The following KCNAB1 variants were observed in gnomAD, a reference collection of about 807,000 sequenced individuals.
The protein encoded by KCNAB1 is voltage-gated potassium channel subunit beta-1.
In KCNAB1, 35 loss-of-function variants were observed where a neutral mutation model predicts 64.6. The ratio of observed to expected loss-of-function variants is 0.54; its 90% CI spans 0.41 to 0.72. KCNAB1 has a LOEUF of 0.72. KCNAB1 is among the 30% of genes least tolerant of loss of function. The pLI, the probability that KCNAB1 is intolerant of heterozygous loss-of-function variation, is 0.00. For missense variants in KCNAB1, 401 were observed against 512.9 expected, an observed-to-expected ratio of 0.78 and a Z score of 2.11; for synonymous variants, 177 against 183.8, an observed-to-expected ratio of 0.96 and a Z score of 0.30.
Position 156,422,652 on chromosome 3 carries a change from C to T in KCNAB1, c.319+993C>T, listed in dbSNP as rs1216063804. 2.0e-5 allele frequency among the ~76,000 whole-genome samples: 3 copies of T among 152,084 alleles called. No individual in the cohort carries two copies. The East Asian group carries it at 5.8e-4, about 29-fold the overall frequency. On this transcript the variant is annotated intron_variant, in intron 2 of 13. Transcript: ENST00000490337. The stretch of plus-strand genomic sequence containing the variant: ...CCTGCAATAAAAATTGTCAAGTATG[C>T]AAATAGACTTATGACTCCAATTTAG...
chr3:156,470,079 C>A (rs1256837155), intron 7 of KCNAB1, among the ~76,000 whole-genome samples: 1 of 152,178 alleles, frequency 6.6e-6, no homozygotes, highest in Non-Finnish European at 1.5e-5. Flanking sequence ...AGTTAGTTTA[C>A]AGAGTATACA....
chr3:156,429,837 T>G (rs762299003), intron 2 of KCNAB1, among the ~76,000 whole-genome samples: 26 of 152,212 alleles, frequency 1.7e-4, no homozygotes, highest in Non-Finnish European at 3.5e-4. Flanking sequence ...TTACCAATTT[T>G]TCTGCATAAC....
intron 1 of KCNAB1, among the ~76,000 whole-genome samples, chr3:156,301,284 C>G (rs536118614): frequency 5.3e-4 from 81 of 151,982 alleles, no homozygotes; most frequent in Non-Finnish European, 5.7e-4. Context: ...GCGTAAATAA[C>G]ATGGCTTTAA....
At chr3:156,260,219 CCTT>C (rs1302622211) in intron 1 of KCNAB1, among the ~76,000 whole-genome samples, 2 of 152,138 alleles carry the variant, frequency 1.3e-5, no homozygotes, top group Non-Finnish European at 2.9e-5. Flanking sequence ...AAAAAATAAA[CCTT>C]CTCTCTTAGC....
At position 156,474,779 on chromosome 3, in the gene KCNAB1, T is replaced by C; in HGVS notation, c.617T>C (p.Val206Ala). 1 of 1,613,528 alleles carries C rather than the reference T, an allele frequency of 6.2e-7. No homozygotes were observed. Residue 206 changes from valine (V) to alanine (A), a missense_variant, in exon 8 of 14, where the codon GTG (valine) becomes GCG (alanine). Physicochemically the swap from Val to Ala is moderately conservative, Grantham distance 64 (BLOSUM62 0). Transcript: ENST00000490337. ...AGGCTGCAGCTCGAGTATGTGGATG[T>C]GGTCTTTGCAAATCGACCGGACAGT... ...LQRLQLEYVD[V>A]VFANRPDSNT...
intron 2 of KCNAB1, among the ~76,000 whole-genome samples, chr3:156,425,966 A>C (rs973545508): frequency 1.4e-4 from 22 of 152,172 alleles, no homozygotes; most frequent in Admixed American, 6.5e-5. Context: ...CAATGCAAGC[A>C]ACGGCGACTC....
At chr3:156,292,136 C>A (rs1551066) in intron 1 of KCNAB1, 1 of 1,613,102 alleles carries the variant, frequency 6.2e-7, no homozygotes, top group South Asian at 1.1e-5. Flanking sequence ...TAGGTATGCA[C>A]GTAAGATTCC....
chr3:156,454,541 C>T (rs1163003307), intron 3 of KCNAB1, among the ~76,000 whole-genome samples: 1 of 152,146 alleles, frequency 6.6e-6, no homozygotes, highest in Non-Finnish European at 1.5e-5. Context: ...GGAATAAGTC[C>T]CTCGGTTCCA....
At chr3:156,483,129 C>T (rs1360469504) in intron 8 of KCNAB1, among the ~76,000 whole-genome samples, 1 of 152,062 alleles carries the variant, frequency 6.6e-6, no homozygotes, top group African/African-American at 2.4e-5. Flanking sequence ...CTCTATCTAC[C>T]ACATTGACCT....
intron 2 of KCNAB1, among the ~76,000 whole-genome samples, chr3:156,449,035 CA>C (rs200126797): frequency 0.011 from 1,680 of 152,090 alleles, 29 homozygotes; most frequent in African/African-American, 0.039. Flanking sequence ...GTCGAAGGGC[CA>C]GGGAGGTAGT....
chr3:156,222,714 A>T (rs1319650850), intron 1 of KCNAB1, among the ~76,000 whole-genome samples: 1 of 152,252 alleles, frequency 6.6e-6, no homozygotes. Context: ...AAGAAAATCT[A>T]AATTTCATCA....
intron 1 of KCNAB1, among the ~76,000 whole-genome samples, chr3:156,276,072 G>T (rs1346338964): frequency 1.3e-5 from 2 of 152,082 alleles, no homozygotes; most frequent in South Asian, 4.1e-4. Flanking sequence ...AGACTTGAAA[G>T]TGAAAATTAC....
intron 2 of KCNAB1, among the ~76,000 whole-genome samples, chr3:156,438,825 C>T (rs115512366): frequency 0.012 from 1,772 of 152,136 alleles, 15 homozygotes; most frequent in South Asian, 0.03. Context: ...ACCAGCCTGA[C>T]CAACAAGGTG....
intron 1 of KCNAB1, among the ~76,000 whole-genome samples, chr3:156,338,104 C>A (rs568465456): frequency 1.3e-5 from 2 of 152,032 alleles, no homozygotes; most frequent in Non-Finnish European, 2.9e-5. Context: ...ACTCTCTGTG[C>A]CTCTCCAGGT....
intron 1 of KCNAB1, among the ~76,000 whole-genome samples, chr3:156,286,661 G>A (rs531126435): frequency 5.9e-5 from 9 of 152,282 alleles, no homozygotes; most frequent in East Asian, 3.9e-4. Flanking sequence ...ATACTCAAAA[G>A]CATAGGTGAT....
chr3:156,175,948 C>A, intron 1 of KCNAB1: 1 of 980,602 alleles, frequency 1.0e-6, no homozygotes, highest in Non-Finnish European at 1.6e-6. Flanking sequence ...GCCAGCATGG[C>A]CGGGCAGCTC....
At chr3:156,224,965 A>G (rs575096677) in intron 1 of KCNAB1, among the ~76,000 whole-genome samples, 2 of 152,210 alleles carry the variant, frequency 1.3e-5, no homozygotes, top group African/African-American at 4.8e-5. Flanking sequence ...GACCAGACCG[A>G]TTCACAGCTG....
chr3:156,120,982 TA>T, intron 1 of KCNAB1, 96 bp downstream of exon 1: 1 of 1,426,714 alleles, frequency 7.0e-7, no homozygotes, highest in Non-Finnish European at 9.5e-7. Flanking sequence ...CTGGAAGTCT[TA>T]ACGGCTCTAA....
chr3:156,355,300 T>G (rs9855009), intron 1 of KCNAB1, among the ~76,000 whole-genome samples: 18,587 of 152,252 alleles, frequency 0.12, 3,040 homozygotes, highest in African/African-American at 0.38. Context: ...AACATAATTT[T>G]CTGACGTTGA....
Sources: gnomAD v4.1 joint callset for allele counts (sites outside exome capture counted in the v4.1 genomes callset) on GRCh38, gnomAD v4.1.1 for gene constraint, MANE v1.5 for transcripts, NCBI Gene and HGNC (gene_info 2026-07-23, HGNC 2026-07-21) for gene names.